RUNX1T1: variants seen among roughly 807,000 people sequenced by gnomAD.
RUNX1T1 encodes the protein RUNX1 partner transcriptional co-repressor 1, also known as protein CBFA2T1.
A neutral mutation model predicts 62.8 loss-of-function variants in RUNX1T1; 4 were observed. The observed-to-expected ratio is 0.06, with a 90% CI of 0.03 to 0.15. The LOEUF (loss-of-function observed/expected upper bound fraction) is 0.15, where lower values mean the gene tolerates loss of function less well. Ranked by LOEUF, RUNX1T1 falls within the 10% of genes least tolerant of loss-of-function variation. The probability of loss-of-function intolerance (pLI) is 1.00; values close to 1 mark genes in which losing one functional copy is unlikely to be tolerated. For missense variants in RUNX1T1, 508 were observed against 754.3 expected, an observed-to-expected ratio of 0.67 and a Z score of 3.82; for synonymous variants, 291 against 286.0, an observed-to-expected ratio of 1.02 and a Z score of -0.18.
chr8:92,049,343 A>T (rs1021937034), intron 1 of RUNX1T1, among the ~76,000 whole-genome samples: 1 of 152,200 alleles, frequency 6.6e-6, no homozygotes, highest in African/African-American at 2.4e-5. Context: ...GTAAAGTCAG[A>T]TGCCTTATTC....
intron 1 of RUNX1T1, among the ~76,000 whole-genome samples, chr8:92,099,008 C>T (rs921770178): frequency 6.6e-6 from 1 of 152,144 alleles, no homozygotes; most frequent in East Asian, 1.9e-4. Context: ...TGGAAGGTGT[C>T]TCTAGATAAT....
At chr8:92,085,061 C>A (rs1835884556) in intron 1 of RUNX1T1, among the ~76,000 whole-genome samples, 1 of 152,124 alleles carries the variant, frequency 6.6e-6, no homozygotes, top group South Asian at 2.1e-4. Flanking sequence ...TCATGACCAC[C>A]CTATGAGGCC....
chr8:92,071,840 A>C (rs970549086), intron 2 of RUNX1T1, among the ~76,000 whole-genome samples: 1 of 152,214 alleles, frequency 6.6e-6, no homozygotes, highest in Non-Finnish European at 1.5e-5. Flanking sequence ...AACTTCCGCA[A>C]GAACTGCCCG....
At chr8:92,076,122 C>T in exon 2 of RUNX1T1, 1 of 1,550,900 alleles carries the variant, frequency 6.4e-7, no homozygotes, top group Non-Finnish European at 8.6e-7. Context: ...TTCACCAGCC[C>T]AGAGATCAAT....
intron 5 of RUNX1T1, among the ~76,000 whole-genome samples, chr8:91,997,293 A>G (rs1818891531): frequency 6.6e-6 from 1 of 152,180 alleles, no homozygotes; most frequent in Non-Finnish European, 1.5e-5. Flanking sequence ...AAATCATGAC[A>G]TAAGTAGAAC....
At chr8:92,007,413 G>C (rs938277775) in intron 4 of RUNX1T1, among the ~76,000 whole-genome samples, 2 of 151,874 alleles carry the variant, frequency 1.3e-5, no homozygotes, top group African/African-American at 4.8e-5. Flanking sequence ...GTTGCAGTGA[G>C]CCGAGATTAT....
At chr8:92,002,478 C>T (rs1034912908) in intron 5 of RUNX1T1, among the ~76,000 whole-genome samples, 2 of 152,016 alleles carry the variant, frequency 1.3e-5, no homozygotes, top group African/African-American at 4.8e-5. Context: ...TTGCCAAAAC[C>T]CATCCCTGAA....
At chr8:92,099,334 T>C (rs534782793) in intron 1 of RUNX1T1, among the ~76,000 whole-genome samples, 1 of 152,346 alleles carries the variant, frequency 6.6e-6, no homozygotes, top group Admixed American at 6.5e-5. Flanking sequence ...ATGAGTTCAT[T>C]CTTTCAAGGC....
chr8:92,096,765 C>T (rs1037781467), intron 1 of RUNX1T1, among the ~76,000 whole-genome samples: 1 of 151,822 alleles, frequency 6.6e-6, no homozygotes, highest in African/African-American at 2.4e-5. Flanking sequence ...CAGGGGGTCT[C>T]CCTAGAAAGG....
At chr8:92,084,098 G>A (rs370929340) in intron 1 of RUNX1T1, among the ~76,000 whole-genome samples, 7 of 151,986 alleles carry the variant, frequency 4.6e-5, no homozygotes, top group East Asian at 1.9e-4. Flanking sequence ...GGGGCCTGTC[G>A]GGGTGGGGGG....
chr8:92,035,863 A>T (rs1400666642), intron 1 of RUNX1T1, among the ~76,000 whole-genome samples: 1 of 152,150 alleles, frequency 6.6e-6, no homozygotes, highest in Non-Finnish European at 1.5e-5. Context: ...ACCTTTTAAT[A>T]CCAGGAAAAC....
upstream of RUNX1T1, among the ~76,000 whole-genome samples, chr8:92,067,732 G>A (rs184178874): frequency 5.1e-3 from 772 of 152,244 alleles, 3 homozygotes; most frequent in Non-Finnish European, 7.2e-3. Flanking sequence ...TTATGTGTAT[G>A]TGTACAAAAA....
chr8:92,029,434 G>C (rs184154948), intron 1 of RUNX1T1, among the ~76,000 whole-genome samples: 1 of 152,176 alleles, frequency 6.6e-6, no homozygotes, highest in Non-Finnish European at 1.5e-5. Context: ...AGATATTTCA[G>C]AAGTATTGCT....
chr8:92,051,691 GATATAAAC>G (rs1168722765), intron 1 of RUNX1T1, among the ~76,000 whole-genome samples: 2 of 151,626 alleles, frequency 1.3e-5, no homozygotes, highest in Non-Finnish European at 2.9e-5. Context: ...CGGCTTGGAA[GATATAAAC>G]ATCATTGAAA....
intron 10 of RUNX1T1, among the ~76,000 whole-genome samples, chr8:91,969,921 T>G (rs1280085238): frequency 3.9e-5 from 6 of 152,136 alleles, no homozygotes; most frequent in Non-Finnish European, 8.8e-5. Context: ...ACGTGGAGCA[T>G]TACTATTCTG....
intron 10 of RUNX1T1, among the ~76,000 whole-genome samples, chr8:91,965,157 A>AT (rs1253188800): frequency 6.6e-6 from 1 of 152,198 alleles, no homozygotes; most frequent in Non-Finnish European, 1.5e-5. Context: ...TGATGGTCCC[A>AT]TTCAAATTAA....
At chr8:92,097,910 TAATC>T (rs1837860804) in intron 1 of RUNX1T1, among the ~76,000 whole-genome samples, 1 of 152,192 alleles carries the variant, frequency 6.6e-6, no homozygotes, top group Non-Finnish European at 1.5e-5. Flanking sequence ...AGCAATACAA[TAATC>T]AAGAAGTATA....
At chr8:92,081,712 C>T (rs975768802) in intron 1 of RUNX1T1, among the ~76,000 whole-genome samples, 6 of 151,940 alleles carry the variant, frequency 3.9e-5, no homozygotes, top group African/African-American at 1.4e-4. Flanking sequence ...TATCTGCATT[C>T]GTGGTTGATG....
chr8:92,088,131 T>C (rs1836413644), intron 1 of RUNX1T1, among the ~76,000 whole-genome samples: 1 of 152,198 alleles, frequency 6.6e-6, no homozygotes, highest in Non-Finnish European at 1.5e-5. Context: ...ACTCCTTGTG[T>C]GACACATGAT....
Sources: gnomAD v4.1 joint callset for allele counts (sites outside exome capture counted in the v4.1 genomes callset) on GRCh38, gnomAD v4.1.1 for gene constraint, MANE v1.5 for transcripts, NCBI Gene and HGNC (gene_info 2026-07-23, HGNC 2026-07-21) for gene names.